Variants in HDAC4 observed in about 807,000 individuals in gnomAD.
HDAC4 encodes the protein histone deacetylase 4, also known as histone deacetylase A.
A neutral mutation model predicts 135.1 loss-of-function variants in HDAC4; 16 were observed. The observed-to-expected ratio is 0.12, with a 90% CI of 0.08 to 0.18. The LOEUF is 0.18. Ranked by LOEUF, HDAC4 falls within the 10% of genes least tolerant of loss-of-function variation. HDAC4 has a pLI of 1.00. For missense variants in HDAC4, 1,143 were observed against 1,511.8 expected (o/e 0.76, Z 4.05); for synonymous variants, 685 against 653.4 (o/e 1.05, Z -0.74).
At chr2:239,217,158 G>T (rs555378886) in intron 3 of HDAC4, among the ~76,000 whole-genome samples, 1 of 152,142 alleles carries the variant, frequency 6.6e-6, no homozygotes, top group African/African-American at 2.4e-5. Context: ...AAGGGGACCC[G>T]CTGGTGGCAG....
chr2:239,218,790 C>T (rs1232666926), intron 3 of HDAC4, among the ~76,000 whole-genome samples: 1 of 144,392 alleles, frequency 6.9e-6, no homozygotes, highest in East Asian at 2.1e-4. Flanking sequence ...CAAACAACCC[C>T]ATCAAAAAGT....
chr2:239,065,016 G>A (rs572800666), intron 24 of HDAC4, among the ~76,000 whole-genome samples: 11 of 152,342 alleles, frequency 7.2e-5, no homozygotes, highest in Admixed American at 1.3e-4. Context: ...CCTCCTGTGC[G>A]GCCTGACGTT....
At chr2:239,088,947 A>G (rs897916661) in intron 18 of HDAC4, among the ~76,000 whole-genome samples, 4 of 152,162 alleles carry the variant, frequency 2.6e-5, no homozygotes, top group African/African-American at 4.8e-5. Flanking sequence ...CGTGAAGCTA[A>G]GTTTCCAAAT....
intron 15 of HDAC4, among the ~76,000 whole-genome samples, 184 bp downstream of exon 15, chr2:239,107,866 G>C (rs990582493): frequency 6.6e-6 from 1 of 152,226 alleles, no homozygotes; most frequent in Non-Finnish European, 1.5e-5. Flanking sequence ...AGACAGCCCC[G>C]GGCTTCTCAG....
At position 239,216,289 on chromosome 2, in the gene HDAC4, G is replaced by T. The variant is rs2046632252; in HGVS notation, c.94+20304C>A. On this transcript the variant is annotated intron_variant, in intron 3 of 26. Transcript: ENST00000543185. ...GAAGATTCCATTCAAGAACAAAAAT[G>T]AAATGTTCTCACACATCTTCCCAGA... 4.6e-5 allele frequency among the ~76,000 whole-genome samples: 7 copies of T among 151,576 alleles called. No homozygotes were observed. The South Asian group carries it at 1.5e-3, about 32-fold the overall frequency.
intron 22 of HDAC4, among the ~76,000 whole-genome samples, chr2:239,074,557 C>T (rs956097095): frequency 3.9e-5 from 6 of 152,242 alleles, no homozygotes; most frequent in Non-Finnish European, 7.3e-5. Context: ...GTCGGCCACA[C>T]GTGAGGCTGC....
intron 3 of HDAC4, among the ~76,000 whole-genome samples, chr2:239,201,836 G>A (rs572397294): frequency 6.6e-6 from 1 of 152,122 alleles, no homozygotes; most frequent in African/African-American, 2.4e-5. Context: ...TTTTGTTTTT[G>A]TTTTTATGTA....
At chr2:239,117,284 T>C (rs1169843461) in intron 12 of HDAC4, among the ~76,000 whole-genome samples, 2 of 152,136 alleles carry the variant, frequency 1.3e-5, no homozygotes, top group African/African-American at 2.4e-5. Flanking sequence ...TCTAGAAGCA[T>C]GCCCTGCTGC....
chr2:239,104,315 A>G (rs113061139), intron 15 of HDAC4, among the ~76,000 whole-genome samples: 7 of 152,224 alleles, frequency 4.6e-5, no homozygotes, highest in African/African-American at 7.2e-5. Context: ...TGTAACCTCC[A>G]TCTCCCGGGT....
intron 7 of HDAC4, among the ~76,000 whole-genome samples, chr2:239,153,470 AACTT>A (rs1406126242): frequency 2.6e-5 from 4 of 151,930 alleles, no homozygotes; most frequent in Admixed American, 6.5e-5. Context: ...GCACAGATAT[AACTT>A]ACTTAGAATG....
chr2:239,134,406 A>G lies in HDAC4; in HGVS notation c.1133T>C (p.Leu378Pro). ...GGAGAGCCTCTGCTGGAGGGCGGGA[A>G]GGGTGAGTCTCTCGGCGTCCTGCTG... ...AGQQDAERLT[L>P]PALQQRLSLF... Residue 378 changes from leucine to proline, a missense_variant, in exon 11 of 27, where the codon CTT becomes CCT. Coordinates refer to ENST00000543185, the MANE Select transcript of HDAC4 (RefSeq NM_001378414.1). 6.2e-7 allele frequency: 1 copy of G among 1,613,754 alleles called. No individual in the cohort carries two copies. The highest frequency in any genetic ancestry group is 1.1e-5 in the South Asian group (1 of 91,052).
intron 2 of HDAC4, among the ~76,000 whole-genome samples, chr2:239,251,665 A>G (rs2048790739): frequency 6.6e-6 from 1 of 152,126 alleles, no homozygotes; most frequent in Non-Finnish European, 1.5e-5. Context: ...CTCCTGCTTG[A>G]GATGCCCCAA....
intron 2 of HDAC4, among the ~76,000 whole-genome samples, chr2:239,335,386 G>A (rs1348887117): frequency 6.6e-6 from 1 of 150,966 alleles, no homozygotes; most frequent in African/African-American, 2.4e-5. Context: ...AATTCCCAGT[G>A]GATCACAGAT....
chr2:239,058,056 TAAAC>T (rs1222717281), intron 24 of HDAC4, among the ~76,000 whole-genome samples: 1 of 152,238 alleles, frequency 6.6e-6, no homozygotes, highest in Non-Finnish European at 1.5e-5. Flanking sequence ...CAGTGTCTGA[TAAAC>T]AAGTAGTTTT....
chr2:239,210,646 C>T (rs1035223668), intron 3 of HDAC4, among the ~76,000 whole-genome samples: 2 of 152,158 alleles, frequency 1.3e-5, no homozygotes, highest in African/African-American at 2.4e-5. Flanking sequence ...AAAAGTGACT[C>T]GCTTGTGACA....
chr2:239,384,674 G>A (rs542197140), intron 1 of HDAC4, among the ~76,000 whole-genome samples: 3 of 152,096 alleles, frequency 2.0e-5, no homozygotes, highest in African/African-American at 7.2e-5. Context: ...CCCTGCATCC[G>A]AAGGAATGGG....
intron 2 of HDAC4, among the ~76,000 whole-genome samples, chr2:239,278,842 G>C (rs772456970): frequency 6.6e-6 from 1 of 152,088 alleles, no homozygotes; most frequent in Non-Finnish European, 1.5e-5. Context: ...CATTGGGGCC[G>C]GGGCCGGGAA....
chr2:239,389,911 C>T (rs549622451), intron 1 of HDAC4, among the ~76,000 whole-genome samples: 2 of 152,322 alleles, frequency 1.3e-5, no homozygotes, highest in South Asian at 4.1e-4. Context: ...GAGTTCAATA[C>T]GTGGCTGGAG....
chr2:239,064,648 G>A (rs1022758406), intron 24 of HDAC4, among the ~76,000 whole-genome samples: 8 of 152,200 alleles, frequency 5.3e-5, no homozygotes, highest in East Asian at 1.9e-4. Flanking sequence ...AGTTAGCAGC[G>A]AGTTACCAAC....
Sources: allele counts gnomAD v4.1 joint callset (sites outside exome capture counted in the v4.1 genomes callset), GRCh38; gene constraint gnomAD v4.1.1; transcripts MANE v1.5; gene names NCBI Gene and HGNC (gene_info 2026-07-23, HGNC 2026-07-21).